Variants in PPFIA1 observed in about 807,000 individuals in gnomAD.
PPFIA1 encodes the protein liprin-alpha-1.
PPFIA1 carries 25 observed loss-of-function variants against 149.9 expected under a neutral mutation model. That is an observed-to-expected ratio of 0.17 (90% CI 0.12 to 0.23). PPFIA1 has a LOEUF of 0.23. PPFIA1 is among the 10% of genes least tolerant of loss of function. The pLI, the probability that PPFIA1 is intolerant of heterozygous loss-of-function variation, is 1.00. For missense variants in PPFIA1, 1,362 were observed against 1,506.5 expected (o/e 0.90, Z 1.59); for synonymous variants, 549 against 552.8 (o/e 0.99, Z 0.10).
intron 16 of PPFIA1, chr11:70,349,970 A>G (rs763712038): frequency 2.2e-6 from 1 of 455,156 alleles, no homozygotes. Flanking sequence ...CCCATCAGTC[A>G]GTAGTTTACT....
intron 2 of PPFIA1, 30 bp downstream of exon 2, chr11:70,272,466 A>C: frequency 6.4e-7 from 1 of 1,550,806 alleles, no homozygotes; most frequent in South Asian, 1.2e-5. Context: ...GAAACTATAG[A>C]TTTTTCTCCA....
chr11:70,330,587 G>T (rs2054595791), intron 8 of PPFIA1, among the ~76,000 whole-genome samples: 1 of 152,202 alleles, frequency 6.6e-6, no homozygotes, highest in Admixed American at 6.5e-5. Flanking sequence ...CAAAGGAGCA[G>T]AGAGTGGCAA....
chr11:70,316,801 C>T (rs532992497), intron 2 of PPFIA1, among the ~76,000 whole-genome samples: 1 of 152,348 alleles, frequency 6.6e-6, no homozygotes, highest in South Asian at 2.1e-4. Context: ...CACATCTGAT[C>T]TTAACTTGAA....
At chr11:70,363,182 C>T (rs895722821) in intron 21 of PPFIA1, 9 of 152,222 alleles carry the variant, frequency 5.9e-5, no homozygotes, top group Admixed American at 2.6e-4. Context: ...GTAAAGTCAG[C>T]ATCCCCTGTG....
At chr11:70,335,457 G>A in intron 10 of PPFIA1, 106 bp from the exon 11 acceptor site, 1 of 1,341,606 alleles carries the variant, frequency 7.5e-7, no homozygotes, top group Admixed American at 1.9e-5. Flanking sequence ...GAGCAACTGG[G>A]GGAGGGGAGG....
chr11:70,303,429 T>C (rs919363779), intron 2 of PPFIA1, among the ~76,000 whole-genome samples: 3 of 152,220 alleles, frequency 2.0e-5, no homozygotes, highest in African/African-American at 7.2e-5. Flanking sequence ...CTTGCTAATA[T>C]GAGCCTGAAA....
At chr11:70,366,805 C>G (rs1046238490) in intron 21 of PPFIA1, among the ~76,000 whole-genome samples, 5 of 152,168 alleles carry the variant, frequency 3.3e-5, no homozygotes, top group African/African-American at 1.2e-4. Context: ...CTTGGTACTC[C>G]TAAAATCTAG....
chr11:70,332,622 A>G (rs1268180374), intron 9 of PPFIA1, among the ~76,000 whole-genome samples: 2 of 152,234 alleles, frequency 1.3e-5, no homozygotes, highest in Non-Finnish European at 2.9e-5. Context: ...CATGTGCAAG[A>G]CACAGTCCCT....
At chr11:70,310,627 G>A (rs530587106) in intron 2 of PPFIA1, among the ~76,000 whole-genome samples, 61 of 152,014 alleles carry the variant, frequency 4.0e-4, no homozygotes, top group Non-Finnish European at 7.8e-4. Flanking sequence ...CCCGTGATCC[G>A]CCTGCCTCAG....
intron 2 of PPFIA1, among the ~76,000 whole-genome samples, chr11:70,275,603 GTCTC>G (rs2050335769): frequency 1.3e-5 from 2 of 152,214 alleles, no homozygotes; most frequent in African/African-American, 4.8e-5. Context: ...GGGGCCAAGA[GTCTC>G]TCTTTCTTTT....
chr11:70,282,035 CT>C (rs144260943), intron 2 of PPFIA1, among the ~76,000 whole-genome samples: 168 of 146,232 alleles, frequency 1.1e-3, no homozygotes, highest in Middle Eastern at 3.5e-3. Context: ...TGTCCAGTTT[CT>C]TTTTTTTTTT....
intron 26 of PPFIA1, 37 bp downstream of exon 26, chr11:70,378,232 G>A: frequency 1.9e-6 from 3 of 1,589,604 alleles, no homozygotes; most frequent in Middle Eastern, 3.4e-4. Context: ...CACTTGTTGG[G>A]AGCATGAGCA....
chr11:70,335,715 A>G (rs779572455), intron 11 of PPFIA1, 21 bp downstream of exon 11: 2 of 1,612,860 alleles, frequency 1.2e-6, no homozygotes, highest in South Asian at 2.2e-5. Flanking sequence ...TAACACGGAC[A>G]TGCTGGAGCT....
intron 2 of PPFIA1, among the ~76,000 whole-genome samples, chr11:70,310,076 C>T (rs945203376): frequency 1.3e-5 from 2 of 152,118 alleles, no homozygotes; most frequent in African/African-American, 4.8e-5. Flanking sequence ...AATGTATATT[C>T]ACATCAGTAT....
In PPFIA1 at chr11:70,376,478, C is replaced by G. The variant is rs145388920; in HGVS notation, c.3316-54C>G. On this transcript the variant is annotated intron_variant, in intron 24 of 27. Transcript: ENST00000253925. ...TTAAAAAACAATTACGATGCTAACA[C>G]CCTTCAAATTAGATTTGATGAAAGT... The G allele has an allele frequency of 2.0e-6, 3 of 1,494,278 alleles. No homozygotes were observed. The African/African-American group carries it at 4.1e-5, about 21-fold the overall frequency. 92.6% of individuals were successfully genotyped at this position (1,494,278 alleles called of 1,614,324 possible).
At chr11:70,325,058 A>G in intron 4 of PPFIA1, 47 bp downstream of exon 4, 1 of 1,501,888 alleles carries the variant, frequency 6.7e-7, no homozygotes, top group Non-Finnish European at 8.9e-7. Context: ...GCTGTGTATT[A>G]GGCCAGCTTC....
chr11:70,378,223 A>T lies in PPFIA1; in HGVS notation c.3550+28A>T, dbSNP rs769598027. 8 of 1,596,284 alleles carry T rather than the reference A, an allele frequency of 5.0e-6. No individual in the cohort carries two copies. The Admixed American group carries it at 1.4e-4, about 27-fold the overall frequency. ...ATGTGATGGGTCACACTAACCTGTC[A>T]CTTGTTGGGAGCATGAGCAGCTTTC... On this transcript the variant is annotated intron_variant, in intron 26 of 27. Transcript: ENST00000253925.
chr11:70,282,228 A>C (rs1440106365), intron 2 of PPFIA1: 3 of 151,698 alleles, frequency 2.0e-5, no homozygotes, highest in Admixed American at 6.6e-5. Context: ...TGTAGTCTCT[A>C]CTCTTCCCCA....
At chr11:70,368,069 TG>T in intron 21 of PPFIA1, among the ~76,000 whole-genome samples, 1 of 152,236 alleles carries the variant, frequency 6.6e-6, no homozygotes, top group South Asian at 2.1e-4. Context: ...GCCCGGAAAG[TG>T]GACGTTACAG....
Sources: allele counts gnomAD v4.1 joint callset (sites outside exome capture counted in the v4.1 genomes callset), GRCh38; gene constraint gnomAD v4.1.1; transcripts MANE v1.5; gene names NCBI Gene and HGNC (gene_info 2026-07-23, HGNC 2026-07-21).